The following ZNF521 variants were observed in gnomAD, a reference collection of about 807,000 sequenced individuals.
The protein encoded by ZNF521 is zinc finger protein 521.
ZNF521 carries 14 observed loss-of-function variants against 105.5 expected under a neutral mutation model. The observed-to-expected ratio is 0.13, with a 90% CI of 0.09 to 0.21. The LOEUF (loss-of-function observed/expected upper bound fraction) is 0.21, where lower values mean the gene tolerates loss of function less well. ZNF521 is among the 10% of genes least tolerant of loss of function. The pLI, the probability that ZNF521 is intolerant of heterozygous loss-of-function variation, is 1.00. For missense variants in ZNF521, 1,233 were observed against 1,629.7 expected, an observed-to-expected ratio of 0.76 and a Z score of 4.19; for synonymous variants, 635 against 606.0, an observed-to-expected ratio of 1.05 and a Z score of -0.70.
intron 5 of ZNF521, among the ~76,000 whole-genome samples, chr18:25,121,792 A>C (rs1033827557): frequency 2.0e-5 from 3 of 152,116 alleles, no homozygotes; most frequent in African/African-American, 4.8e-5. Flanking sequence ...AAATATAAAT[A>C]AGGCCTCAAA....
At chr18:25,310,791 A>T (rs575715984) in intron 3 of ZNF521, among the ~76,000 whole-genome samples, 1 of 152,272 alleles carries the variant, frequency 6.6e-6, no homozygotes, top group Non-Finnish European at 1.5e-5. Context: ...TTTGCTCAAA[A>T]ATAACCCATA....
At chr18:25,109,346 C>G (rs1164883780) in intron 5 of ZNF521, among the ~76,000 whole-genome samples, 8 of 152,146 alleles carry the variant, frequency 5.3e-5, no homozygotes, top group Non-Finnish European at 8.8e-5. Flanking sequence ...TTTCTTTATC[C>G]AATCATCCAT....
chr18:25,265,109 A>G (rs763025213), intron 3 of ZNF521, among the ~76,000 whole-genome samples: 41 of 152,226 alleles, frequency 2.7e-4, no homozygotes, highest in Non-Finnish European at 5.3e-4. Flanking sequence ...GTTATTCATG[A>G]CATACATTTT....
chr18:25,310,194 A>T (rs1317058385), intron 3 of ZNF521, among the ~76,000 whole-genome samples: 1 of 152,180 alleles, frequency 6.6e-6, no homozygotes, highest in Admixed American at 6.5e-5. Context: ...TACATAGATA[A>T]ACTGACATTA....
intron 5 of ZNF521, among the ~76,000 whole-genome samples, chr18:25,143,236 T>C (rs2034883280): frequency 6.6e-6 from 1 of 152,184 alleles, no homozygotes; most frequent in South Asian, 2.1e-4. Flanking sequence ...AAATATCTTA[T>C]CTATGCTTTG....
At chr18:25,274,726 A>T (rs1909921499) in intron 3 of ZNF521, among the ~76,000 whole-genome samples, 1 of 152,210 alleles carries the variant, frequency 6.6e-6, no homozygotes, top group Non-Finnish European at 1.5e-5. Flanking sequence ...TTCAATGTAC[A>T]ATTCTTGGGG....
chr18:25,075,136 A>T (rs1464667948), intron 7 of ZNF521, among the ~76,000 whole-genome samples: 1 of 152,196 alleles, frequency 6.6e-6, no homozygotes, highest in Admixed American at 6.5e-5. Flanking sequence ...CCATGCATAA[A>T]GGGCCAGGCA....
intron 3 of ZNF521, among the ~76,000 whole-genome samples, chr18:25,251,204 T>C (rs1275288827): frequency 6.6e-6 from 1 of 152,214 alleles, no homozygotes; most frequent in African/African-American, 2.4e-5. Context: ...GTGGTCAAAA[T>C]GAAACAACAG....
intron 2 of ZNF521, chr18:25,327,442 C>A (rs1913285348): frequency 8.5e-7 from 1 of 1,171,476 alleles, no homozygotes. Flanking sequence ...ATTTAGAAGT[C>A]CCACACCTAA....
intron 3 of ZNF521, among the ~76,000 whole-genome samples, chr18:25,287,710 A>G (rs1431596981): frequency 6.6e-6 from 1 of 152,170 alleles, no homozygotes; most frequent in African/African-American, 2.4e-5. Context: ...ATTTAAACTA[A>G]TATTTTTTTC....
At chr18:25,238,471 C>T (rs1907079809) in intron 3 of ZNF521, among the ~76,000 whole-genome samples, 1 of 152,128 alleles carries the variant, frequency 6.6e-6, no homozygotes, top group African/African-American at 2.4e-5. Context: ...GGTCTGTTTG[C>T]CTCTCTCCTG....
intron 2 of ZNF521, among the ~76,000 whole-genome samples, chr18:25,324,078 G>A (rs1377469378): frequency 4.6e-5 from 7 of 152,180 alleles, no homozygotes; most frequent in East Asian, 3.9e-4. Flanking sequence ...TGCCCATTTC[G>A]GTATACCAGG....
intron 7 of ZNF521, among the ~76,000 whole-genome samples, chr18:25,066,699 C>T (rs1291474018): frequency 6.6e-6 from 1 of 152,176 alleles, no homozygotes; most frequent in Non-Finnish European, 1.5e-5. Flanking sequence ...GTCTGCTCTC[C>T]CCCTGGCTAC....
intron 3 of ZNF521, among the ~76,000 whole-genome samples, chr18:25,229,512 TA>T: frequency 6.6e-6 from 1 of 151,476 alleles, no homozygotes; most frequent in East Asian, 1.9e-4. Flanking sequence ...CATATGCAGA[TA>T]AACTCAACTC....
At chr18:25,269,890 CA>C (rs1031181600) in intron 3 of ZNF521, among the ~76,000 whole-genome samples, 1 of 152,012 alleles carries the variant, frequency 6.6e-6, no homozygotes, top group African/African-American at 2.4e-5. Context: ...TGTAGAGAAA[CA>C]AGAACAAACA....
At chr18:25,111,927 A>T (rs889879514) in intron 5 of ZNF521, among the ~76,000 whole-genome samples, 2 of 152,158 alleles carry the variant, frequency 1.3e-5, no homozygotes, top group Non-Finnish European at 2.9e-5. Flanking sequence ...AATGCACAAC[A>T]AGCTCACAAA....
chr18:25,349,819 C>T (rs1914640852), intron 2 of ZNF521, among the ~76,000 whole-genome samples: 1 of 150,120 alleles, frequency 6.7e-6, no homozygotes, highest in Non-Finnish European at 1.5e-5. Context: ...GCCCTTTGTC[C>T]TCCGCCTCCG....
intron 5 of ZNF521, among the ~76,000 whole-genome samples, chr18:25,173,593 G>A (rs2144566869): frequency 6.6e-6 from 1 of 152,250 alleles, no homozygotes; most frequent in South Asian, 2.1e-4. Context: ...ATGTTTTTAT[G>A]AATATCATTT....
intron 4 of ZNF521, among the ~76,000 whole-genome samples, chr18:25,211,657 T>C (rs190672361): frequency 8.4e-4 from 128 of 152,344 alleles, no homozygotes; most frequent in African/African-American, 3.0e-3. Context: ...TTATGTGTTA[T>C]AAATTTGTTT....
Sources: allele counts gnomAD v4.1 joint callset (sites outside exome capture counted in the v4.1 genomes callset), GRCh38; gene constraint gnomAD v4.1.1; transcripts MANE v1.5; gene names NCBI Gene and HGNC (gene_info 2026-07-23, HGNC 2026-07-21).